Variants in PSG11 observed in about 807,000 individuals in gnomAD.
PSG11 encodes pregnancy specific beta-1-glycoprotein 11, also known as pregnancy-specific beta-1-glycoprotein 11.
Under a neutral mutation model 36.0 loss-of-function variants are expected in PSG11, and 42 were observed. The ratio of observed to expected loss-of-function variants is 1.17; its 90% CI spans 0.91 to 1.51. The LOEUF (loss-of-function observed/expected upper bound fraction) is 1.51, where lower values mean the gene tolerates loss of function less well. Ranked by LOEUF, PSG11 falls within the 40% of genes most tolerant of loss-of-function variation. The pLI is 0.00. For missense variants in PSG11, 558 were observed against 403.5 expected, an observed-to-expected ratio of 1.38 and a Z score of -3.28; for synonymous variants, 206 against 153.5, an observed-to-expected ratio of 1.34 and a Z score of -2.53.
At chr19:43,018,020 TC>T (rs1260583980) in intron 3 of PSG11, among the ~76,000 whole-genome samples, 1 of 151,168 alleles carries the variant, frequency 6.6e-6, no homozygotes, top group Non-Finnish European at 1.5e-5. Context: ...TTTTTGATTT[TC>T]CCTCTCCCTT....
chr19:43,015,018 A>G, intron 4 of PSG11, 98 bp downstream of exon 4: 2 of 1,601,626 alleles, frequency 1.2e-6, no homozygotes, highest in Non-Finnish European at 1.7e-6. Flanking sequence ...TGCCCATGGG[A>G]CACAGGCTGG....
intron 2 of PSG11, among the ~76,000 whole-genome samples, chr19:43,020,963 A>G (rs1273108692): frequency 1.3e-5 from 2 of 151,472 alleles, no homozygotes; most frequent in East Asian, 1.9e-4. Context: ...TGAGATGCCA[A>G]TGGCTCATGT....
intron 2 of PSG11, 40 bp from the exon 3 acceptor site, chr19:43,019,088 C>G (rs1263050280): frequency 3.1e-6 from 5 of 1,593,926 alleles, no homozygotes; most frequent in Middle Eastern, 1.7e-4. Flanking sequence ...TGTGTGGCAC[C>G]TTTGATTCCT....
At chr19:43,020,248 AT>A (rs536939945) in intron 2 of PSG11, among the ~76,000 whole-genome samples, 2 of 151,350 alleles carry the variant, frequency 1.3e-5, no homozygotes, top group African/African-American at 2.4e-5. Flanking sequence ...TGGAATTCTA[AT>A]TTTTTTTATT....
intron 4 of PSG11, among the ~76,000 whole-genome samples, chr19:43,012,927 A>G (rs1200594174): frequency 1.3e-5 from 2 of 151,460 alleles, no homozygotes; most frequent in African/African-American, 2.4e-5. Flanking sequence ...ACTGGCATAA[A>G]GGAGGACATA....
intron 5 of PSG11, among the ~76,000 whole-genome samples, chr19:43,008,955 T>C (rs887084981): frequency 1.3e-5 from 2 of 151,194 alleles, no homozygotes; most frequent in African/African-American, 4.9e-5. Context: ...AAACTGGAAC[T>C]AATGGGTGGG....
chr19:43,014,733 G>A lies in PSG11; in HGVS notation c.964+383C>T, dbSNP rs1358638597. 3.3e-6 allele frequency: 4 copies of A among 1,207,704 alleles called. No homozygotes were observed. The African/African-American group carries it at 6.3e-5, about 19-fold the overall frequency. The allele number at this position is 1,207,704 out of a possible 1,614,324, so 74.8% of individuals were successfully genotyped here. On this transcript the variant is annotated intron_variant, in intron 4 of 5. Coordinates refer to ENST00000320078, the MANE Select transcript of PSG11 (RefSeq NM_002785.3). Reference sequence around the variant, plus strand: ...GTGAGCTTGTTTCAAAGCCTCAGATGTTCCTTGTAGTTCATGGAAGAGGTA... The same window carrying A: ...GTGAGCTTGTTTCAAAGCCTCAGATATTCCTTGTAGTTCATGGAAGAGGTA...
In PSG11 at chr19:43,024,908, T is replaced by A. The variant is rs1967201528; in HGVS notation, c.213A>T (p.Gln71His). Residue 71 changes from glutamine to histidine, a missense_variant, in exon 2 of 6, where the codon CAA becomes CAT. By Grantham distance (24) the Gln-to-His change is conservative (BLOSUM62 0). Transcript: ENST00000320078. ...NLTGYIWYKG[Q>H]IRDLYHYITS... ...TAATGTAATGGTAGAGGTCCCTGAT[T>A]TGCCCTTTGTACCAGATGTAGCCAG... 1 of 1,611,742 alleles carries A rather than the reference T, an allele frequency of 6.2e-7. No homozygotes were observed. The highest frequency in any genetic ancestry group is 8.5e-7 in the Non-Finnish European group (1 of 1,179,108).
intron 2 of PSG11, among the ~76,000 whole-genome samples, chr19:43,023,597 T>G (rs367950243): frequency 6.6e-6 from 1 of 151,210 alleles, no homozygotes. Context: ...GAGGTTTGGA[T>G]GCCTAAGAAG....
chr19:43,015,970 C>A, intron 3 of PSG11: 1 of 1,610,092 alleles, frequency 6.2e-7, no homozygotes. Context: ...CTTAGGTTCA[C>A]AGGTGAAGGT....
At position 43,025,916 on chromosome 19, in the gene PSG11, CTTTTTTTTTTTTTTTTTCTCTTTTTTT is replaced by C. The variant is rs1188314352; in HGVS notation, c.64+366_64+392del. ...CCAGGCATCAACAGGGCCTTCTTTC[CTTTTTTTTTTTTTTTTTCTCTTTTTTT>C]TTTTTTTTTTTTTTTTGAGATGGAG... On this transcript the variant is annotated intron_variant, in intron 1 of 5. Coordinates refer to ENST00000320078, the MANE Select transcript of PSG11 (RefSeq NM_002785.3). Among the ~76,000 whole-genome samples the C allele has an allele frequency of 8.2e-4, 51 of 62,002 alleles. 1 individual carries two copies. The highest frequency in any genetic ancestry group is 2.9e-3 in the African/African-American group (46 of 15,884). 40.7% of individuals were successfully genotyped at this position (62,002 alleles called of 152,430 possible).
At chr19:43,022,695 TTG>T (rs1967130612) in intron 2 of PSG11, among the ~76,000 whole-genome samples, 3 of 151,276 alleles carry the variant, frequency 2.0e-5, no homozygotes. Flanking sequence ...TCCCATGGTC[TTG>T]TCCACAGGTC....
At position 43,024,839 on chromosome 19, in the gene PSG11, T is replaced by A. The variant is rs767242445; in HGVS notation, c.282A>T (p.Ala94=). The change falls in exon 2 of 6, where the codon GCA becomes GCT. Residue 94 remains alanine (A), a synonymous_variant. Transcript: ENST00000320078. Reference sequence around the variant, plus strand: ...AATATACTGTTTCTCGTCCACTGTATGCCGGTCCATATATAATTATTTGAC... The same window carrying A: ...AATATACTGTTTCTCGTCCACTGTAAGCCGGTCCATATATAATTATTTGAC... The part of the protein sequence containing the change: ...VDGQIIIYGP[A]YSGRETVYSN... The A allele has an allele frequency of 3.1e-6, 5 of 1,612,018 alleles. No individual in the cohort carries two copies. The South Asian group carries it at 3.3e-5, about 11-fold the overall frequency.
intron 1 of PSG11, among the ~76,000 whole-genome samples, chr19:43,025,804 A>G (rs1021127628): frequency 6.7e-6 from 1 of 149,552 alleles, no homozygotes; most frequent in African/African-American, 2.5e-5. Context: ...GGAAAACAGA[A>G]CACCTGTTTC....
rs75903285 is a variant in PSG11, at chr19:43,007,825, C to A, written c.*258G>T. Reference sequence around the variant, plus strand: ...TCATAAATCTGGAGGATAAAACATTCAAAAAATCAGCACATTTTCCAATAA... The same window carrying A: ...TCATAAATCTGGAGGATAAAACATTAAAAAAATCAGCACATTTTCCAATAA... On this transcript the variant is annotated 3_prime_UTR_variant, in exon 6 of 6. Coordinates refer to ENST00000320078, the MANE Select transcript of PSG11 (RefSeq NM_002785.3). 0.066 allele frequency: 20,248 copies of A among 305,616 alleles called. 1,861 individuals are homozygous for A. The highest frequency in any genetic ancestry group is 0.32 in the East Asian group (6,800 of 21,374). 18.9% of individuals were successfully genotyped at this position (305,616 alleles called of 1,614,324 possible). A position where few individuals can be genotyped will look rare whatever the true frequency, so the allele number is the denominator to read the frequency against.
At chr19:43,019,129 T>C in intron 2 of PSG11, 81 bp from the exon 3 acceptor site, 1 of 1,560,684 alleles carries the variant, frequency 6.4e-7, no homozygotes, top group African/African-American at 1.4e-5. Context: ...GAATTGGCAT[T>C]TGCCACCTCT....
At position 43,013,672 on chromosome 19, in the gene PSG11, T is replaced by A. The variant is rs149147012; in HGVS notation, c.964+1444A>T. ...AATTGGAGCTCTAGTGCATTGCTGATGGGAATGGGAAATGTTACAGCCACT... is the reference window on the plus strand; with the variant it reads ...AATTGGAGCTCTAGTGCATTGCTGAAGGGAATGGGAAATGTTACAGCCACT... On this transcript the variant is annotated intron_variant, in intron 4 of 5. Coordinates refer to ENST00000320078, the MANE Select transcript of PSG11 (RefSeq NM_002785.3). Among the ~76,000 whole-genome samples the A allele has an allele frequency of 5.2e-3, 793 of 151,488 alleles. 31 individuals carry two copies. The highest frequency in any genetic ancestry group is 0.018 in the African/African-American group (734 of 41,132).
At chr19:43,026,288 C>T in intron 1 of PSG11, 21 bp downstream of exon 1, 2 of 1,609,750 alleles carry the variant, frequency 1.2e-6, no homozygotes, top group Non-Finnish European at 8.5e-7. Context: ...CCTGTCCTCT[C>T]CCAGGAAGTT....
At chr19:43,014,252 G>A in intron 4 of PSG11, 1 of 715,916 alleles carries the variant, frequency 1.4e-6, no homozygotes, top group Non-Finnish European at 1.7e-6. Context: ...CCTTATATTA[G>A]ATATATATAG....
Sources: gnomAD v4.1 joint callset for allele counts (sites outside exome capture counted in the v4.1 genomes callset) on GRCh38, gnomAD v4.1.1 for gene constraint, MANE v1.5 for transcripts, NCBI Gene and HGNC (gene_info 2026-07-23, HGNC 2026-07-21) for gene names.